STAG1: variants seen among roughly 807,000 people sequenced by gnomAD.
STAG1 encodes STAG1 cohesin complex component, also known as cohesin subunit SA-1.
Under a neutral mutation model 170.9 loss-of-function variants are expected in STAG1, and 26 were observed. The ratio of observed to expected loss-of-function variants is 0.15; its 90% confidence interval spans 0.11 to 0.21. The LOEUF is 0.21. STAG1 is among the 10% of genes least tolerant of loss of function. STAG1 has a pLI of 1.00. For missense variants in STAG1, 964 were observed against 1,509.5 expected (o/e 0.64, Z 5.99); for synonymous variants, 514 against 497.7 (o/e 1.03, Z -0.44).
chr3:136,386,287 C>T (rs1390141733), intron 22 of STAG1, among the ~76,000 whole-genome samples: 1 of 152,108 alleles, frequency 6.6e-6, no homozygotes, highest in East Asian at 1.9e-4. Context: ...TGTGGTGAGC[C>T]GAGATCGTGC....
intron 15 of STAG1, among the ~76,000 whole-genome samples, chr3:136,439,389 G>GACAC (rs753912835): frequency 0.06 from 5,727 of 95,782 alleles, 210 homozygotes; most frequent in East Asian, 0.095. Context: ...AACACCCCCC[G>GACAC]ACACACACAC....
At chr3:136,707,972 A>AT (rs200087924) in intron 1 of STAG1, among the ~76,000 whole-genome samples, 4 of 152,048 alleles carry the variant, frequency 2.6e-5, no homozygotes, top group African/African-American at 9.7e-5. Context: ...AGGCGGCTAT[A>AT]TTTTTTTAAA....
chr3:136,582,893 C>A (rs1937622502), intron 4 of STAG1, among the ~76,000 whole-genome samples: 1 of 152,018 alleles, frequency 6.6e-6, no homozygotes, highest in Admixed American at 6.6e-5. Flanking sequence ...GAGAGATGAG[C>A]AAAGGGTTGC....
intron 13 of STAG1, among the ~76,000 whole-genome samples, chr3:136,454,473 G>A (rs1445196762): frequency 6.6e-6 from 1 of 151,966 alleles, no homozygotes; most frequent in Non-Finnish European, 1.5e-5. Flanking sequence ...CCGCCTCCTG[G>A]GCTCAAGAGA....
chr3:136,600,349 G>A (rs16844044), intron 4 of STAG1, among the ~76,000 whole-genome samples: 1,848 of 152,230 alleles, frequency 0.012, 40 homozygotes, highest in African/African-American at 0.042. Flanking sequence ...TAATAAGCCC[G>A]ATTCGATTCT....
intron 14 of STAG1, among the ~76,000 whole-genome samples, chr3:136,444,223 G>A (rs1050247445): frequency 1.3e-5 from 2 of 152,044 alleles, no homozygotes; most frequent in South Asian, 2.1e-4. Flanking sequence ...ACAGGCCCAC[G>A]CCACCATGCC....
At position 136,623,167 on chromosome 3, in the gene STAG1, C is replaced by A. The variant is rs769420135; in HGVS notation, c.111G>T (p.Arg37Ser). The change falls in exon 3 of 34, where the codon AGG (arginine) becomes AGT (serine). Residue 37 changes from arginine (R) to serine (S), a missense_variant. Arg to Ser is a moderately radical substitution (Grantham distance 110). This residue lies in a region of STAG1 where 108 missense variants were observed against 120.2 expected (regional missense o/e 0.90). Transcript: ENST00000383202. ...ATACTGGAGGCCGGCCAGGACGACC[C>A]CTTTTTCTTTTTCCTTTGACCTCTG... The part of the protein sequence containing the change: ...EETEVKGKRK[R>S]GRPGRPPSTN... 6.2e-7 allele frequency: 1 copy of A among 1,613,642 alleles called. No homozygotes were observed. The highest frequency in any genetic ancestry group is 1.1e-5 in the South Asian group (1 of 91,070).
intron 6 of STAG1, 83 bp downstream of exon 6, chr3:136,542,035 AT>A (rs892699223): frequency 9.3e-7 from 1 of 1,074,502 alleles, no homozygotes; most frequent in African/African-American, 1.6e-5. Context: ...TAAACATCAA[AT>A]CAAAACAAAA....
chr3:136,665,078 G>C (rs1406878285), intron 1 of STAG1, among the ~76,000 whole-genome samples: 4 of 152,106 alleles, frequency 2.6e-5, no homozygotes, highest in Non-Finnish European at 5.9e-5. Context: ...TTTTGAACCA[G>C]AATGTCTATT....
chr3:136,457,339 G>A (rs1422544220), intron 13 of STAG1, among the ~76,000 whole-genome samples: 1 of 152,120 alleles, frequency 6.6e-6, no homozygotes, highest in Admixed American at 6.6e-5. Context: ...ATCTCAAGCA[G>A]CAGAGCATAT....
intron 22 of STAG1, among the ~76,000 whole-genome samples, chr3:136,391,827 C>T (rs943044537): frequency 2.0e-5 from 3 of 152,198 alleles, no homozygotes; most frequent in African/African-American, 7.2e-5. Context: ...GCAAAGTATA[C>T]TTAGCATAAC....
chr3:136,575,422 G>A (rs775356051), intron 4 of STAG1, among the ~76,000 whole-genome samples: 1 of 152,068 alleles, frequency 6.6e-6, no homozygotes, highest in Admixed American at 6.6e-5. Flanking sequence ...ACGGGATTTC[G>A]CCATTTTGCC....
chr3:136,488,756 G>T (rs2090065213), intron 9 of STAG1, among the ~76,000 whole-genome samples: 1 of 152,108 alleles, frequency 6.6e-6, no homozygotes, highest in South Asian at 2.1e-4. Context: ...TATTCAAGGA[G>T]ATACAGTATA....
intron 21 of STAG1, among the ~76,000 whole-genome samples, chr3:136,405,035 G>A (rs1236086119): frequency 2.6e-5 from 4 of 152,018 alleles, no homozygotes; most frequent in African/African-American, 9.7e-5. Context: ...TAGTGGACAT[G>A]TGCATGATAA....
At chr3:136,514,413 C>G (rs930816303) in intron 7 of STAG1, among the ~76,000 whole-genome samples, 2 of 152,200 alleles carry the variant, frequency 1.3e-5, no homozygotes, top group African/African-American at 4.8e-5. Context: ...CAGGAAACAA[C>G]AGATGCTAGA....
chr3:136,554,863 C>T (rs760214188), intron 5 of STAG1, among the ~76,000 whole-genome samples: 8 of 151,976 alleles, frequency 5.3e-5, no homozygotes, highest in Admixed American at 2.0e-4. Context: ...GACTCCACTC[C>T]AGCCTGGGTG....
intron 8 of STAG1, 80 bp from the exon 9 acceptor site, chr3:136,500,376 G>T: frequency 1.0e-6 from 1 of 976,128 alleles, no homozygotes; most frequent in Non-Finnish European, 1.5e-6. Flanking sequence ...TTTAATTCCT[G>T]GTTATTTTCA....
At chr3:136,735,357 C>A (rs1686277121) in intron 1 of STAG1, among the ~76,000 whole-genome samples, 1 of 152,062 alleles carries the variant, frequency 6.6e-6, no homozygotes, top group Admixed American at 6.5e-5. Context: ...AACTCATGAG[C>A]CCAAGCAATC....
chr3:136,694,629 A>C (rs1352285355), intron 1 of STAG1, among the ~76,000 whole-genome samples: 2 of 151,846 alleles, frequency 1.3e-5, no homozygotes, highest in Non-Finnish European at 2.9e-5. Context: ...AAAAAAAAAA[A>C]CATTGGAGAA....
Sources: gnomAD v4.1 joint callset for allele counts (sites outside exome capture counted in the v4.1 genomes callset) on GRCh38, gnomAD v4.1.1 for gene constraint, gnomAD v4.1.1 regional missense constraint, MANE v1.5 for transcripts, NCBI Gene and HGNC (gene_info 2026-07-23, HGNC 2026-07-21) for gene names.